MORN5: variants seen among roughly 807,000 people sequenced by gnomAD.
MORN5 encodes the protein MORN repeat containing 5, also known as MORN repeat-containing protein 5.
In MORN5, 21 loss-of-function variants were observed where a neutral mutation model predicts 22.1. That is an observed-to-expected ratio of 0.95 (90% CI 0.67 to 1.37). The LOEUF is 1.37. MORN5 is among the 40% of genes most tolerant of loss of function. MORN5 has a pLI of 0.00. For synonymous variants in MORN5, 73 were observed against 74.0 expected (o/e 0.99, Z 0.07); for missense variants, 211 against 215.1 (o/e 0.98, Z 0.12).
chr9:122,180,796 A>G (rs1450228975), intron 4 of MORN5, among the ~76,000 whole-genome samples: 1 of 152,104 alleles, frequency 6.6e-6, no homozygotes, highest in Non-Finnish European at 1.5e-5. Flanking sequence ...GCACTTAGCC[A>G]TGGACAGTAG....
At chr9:122,178,849 G>A (rs1195607640) in intron 4 of MORN5, among the ~76,000 whole-genome samples, 2 of 152,198 alleles carry the variant, frequency 1.3e-5, no homozygotes, top group African/African-American at 4.8e-5. Context: ...ACCAAGAGGT[G>A]TCCTGGAGAA....
At chr9:122,195,476 T>C (rs543865944) in intron 4 of MORN5, among the ~76,000 whole-genome samples, 1 of 152,334 alleles carries the variant, frequency 6.6e-6, no homozygotes, top group Non-Finnish European at 1.5e-5. Context: ...TCCTTGGTTT[T>C]GGTGACAGTT....
chr9:122,180,411 G>A (rs1000768900), intron 4 of MORN5, among the ~76,000 whole-genome samples: 13 of 150,382 alleles, frequency 8.6e-5, no homozygotes, highest in African/African-American at 3.2e-4. Context: ...TCAGCCTCCC[G>A]AGTAGCTGGG....
intron 4 of MORN5, among the ~76,000 whole-genome samples, chr9:122,175,850 C>T (rs1829442320): frequency 1.3e-5 from 2 of 151,986 alleles, no homozygotes. Context: ...CGCGGTGGCT[C>T]ATGCCTGTAA....
chr9:122,198,756 C>T (rs535287099), intron 4 of MORN5, among the ~76,000 whole-genome samples: 10 of 152,182 alleles, frequency 6.6e-5, no homozygotes, highest in South Asian at 2.1e-4. Flanking sequence ...CGTCCACCAC[C>T]GGCATGGAGA....
chr9:122,174,352 C>A (rs1829412217), intron 3 of MORN5, 144 bp from the exon 4 acceptor site: 2 of 872,058 alleles, frequency 2.3e-6, no homozygotes, highest in Non-Finnish European at 1.7e-6. Flanking sequence ...GCTGGGTTTG[C>A]TTCTTGCCCT....
chr9:122,193,441 T>C (rs1020864198), intron 4 of MORN5, among the ~76,000 whole-genome samples: 8 of 152,102 alleles, frequency 5.3e-5, no homozygotes, highest in Non-Finnish European at 1.2e-4. Flanking sequence ...AAAAATTAGC[T>C]GGGCGTGGTG....
chr9:122,190,294 A>G (rs1829733825), intron 4 of MORN5, among the ~76,000 whole-genome samples: 1 of 152,240 alleles, frequency 6.6e-6, no homozygotes, highest in Non-Finnish European at 1.5e-5. Context: ...GTGTATCCAC[A>G]TGAAATATAA....
At position 122,166,871 on chromosome 9, in the gene MORN5, G is replaced by T; in HGVS notation, c.151G>T (p.Gly51Ter). ...HGEGTLYFPS[G>*]SQYDAIWENG... ...CGAGGGAACCCTGTACTTCCCCAGC[G>T]GAAGCCAATACGACGCCATTTGGGA... The change falls in exon 2 of 5, where the codon GGA (glycine) becomes TGA (stop). Residue 51 changes from glycine (G) to a stop codon, truncating the protein, a stop_gained. Transcript: ENST00000373764. LOFTEE classifies it high-confidence loss of function. 6.2e-7 allele frequency: 1 copy of T among 1,613,942 alleles called. No homozygotes were observed. The highest frequency in any genetic ancestry group is 2.2e-5 in the East Asian group (1 of 44,862).
At chr9:122,178,539 T>C (rs906558034) in intron 4 of MORN5, among the ~76,000 whole-genome samples, 13 of 152,180 alleles carry the variant, frequency 8.5e-5, no homozygotes, top group African/African-American at 3.1e-4. Context: ...GAAAGATAGA[T>C]GACATAGATA....
At chr9:122,196,338 T>G (rs1418794609) in intron 4 of MORN5, among the ~76,000 whole-genome samples, 3 of 148,000 alleles carry the variant, frequency 2.0e-5, no homozygotes, top group Non-Finnish European at 4.5e-5. Context: ...GCCAATAATT[T>G]TTTTTTTTTT....
At chr9:122,168,427 A>G (rs1210550804) in intron 2 of MORN5, among the ~76,000 whole-genome samples, 1 of 152,200 alleles carries the variant, frequency 6.6e-6, no homozygotes, top group Non-Finnish European at 1.5e-5. Context: ...AAGCATCTAT[A>G]GCTTTCATCA....
At position 122,190,852 on chromosome 9, in the gene MORN5, G is replaced by T. The variant is rs367930195; in HGVS notation, c.440-9033G>T. Among the ~76,000 whole-genome samples the T allele has an allele frequency of 9.5e-4, 145 of 152,388 alleles. 1 individual carries two copies. Among genetic ancestry groups the T allele is most frequent in the African/African-American group, 3.3e-3 (137 of 41,592 alleles). On this transcript the variant is annotated intron_variant, in intron 4 of 4. Transcript: ENST00000373764. ...GCCTGGGCATTGCTGCCCTCACTGTGGCACTGCCATGGCCCTGCCCCACCA... is the reference window on the plus strand; with the variant it reads ...GCCTGGGCATTGCTGCCCTCACTGTTGCACTGCCATGGCCCTGCCCCACCA...
At chr9:122,191,153 G>A (rs553423564) in intron 4 of MORN5, among the ~76,000 whole-genome samples, 29 of 152,268 alleles carry the variant, frequency 1.9e-4, no homozygotes, top group Non-Finnish European at 2.1e-4. Context: ...CTCTCTGCAC[G>A]TGATGACACA....
chr9:122,181,216 G>A (rs1829534359), intron 4 of MORN5, among the ~76,000 whole-genome samples: 1 of 152,236 alleles, frequency 6.6e-6, no homozygotes, highest in South Asian at 2.1e-4. Context: ...GAGCACCTAG[G>A]TGGGGCCATG....
chr9:122,165,625 G>C (rs562676949), intron 1 of MORN5, among the ~76,000 whole-genome samples: 31 of 152,154 alleles, frequency 2.0e-4, no homozygotes, highest in African/African-American at 7.5e-4. Flanking sequence ...GGTCAAGCTG[G>C]TGTCCCTGCC....
intron 4 of MORN5, among the ~76,000 whole-genome samples, chr9:122,192,350 G>T (rs1420410536): frequency 6.6e-6 from 1 of 152,202 alleles, no homozygotes; most frequent in Non-Finnish European, 1.5e-5. Flanking sequence ...AGGCATCTTT[G>T]TAGATGAGGA....
In MORN5 at chr9:122,166,829, G is replaced by A; in HGVS notation, c.109G>A (p.Asp37Asn). ...TETIYVGEMK[D>N]GMFHGEGTLY... ...AACAATATATGTTGGGGAAATGAAG[G>A]ATGGCATGTTTCACGGCGAGGGAAC... The change falls in exon 2 of 5, where the codon GAT becomes AAT. Residue 37 changes from aspartate to asparagine, a missense_variant. Coordinates refer to ENST00000373764, the MANE Select transcript of MORN5 (RefSeq NM_198469.4). 1 of 1,613,950 alleles carries A rather than the reference G, an allele frequency of 6.2e-7. No homozygotes were observed. Among genetic ancestry groups the A allele is most frequent in the Non-Finnish European group, 8.5e-7 (1 of 1,179,962 alleles).
intron 2 of MORN5, among the ~76,000 whole-genome samples, chr9:122,168,488 GA>G (rs1368282556): frequency 1.6e-4 from 25 of 152,314 alleles, no homozygotes; most frequent in African/African-American, 6.0e-4. Flanking sequence ...AAAAGGTTAA[GA>G]AAGGCTCCTT....
Sources: gnomAD v4.1 joint callset for allele counts (sites outside exome capture counted in the v4.1 genomes callset) on GRCh38, gnomAD v4.1.1 for gene constraint, MANE v1.5 for transcripts, NCBI Gene and HGNC (gene_info 2026-07-23, HGNC 2026-07-21) for gene names.